OSBP2: variants seen among roughly 807,000 people sequenced by gnomAD.
OSBP2 encodes the protein oxysterol-binding protein 2.
In OSBP2, 66 loss-of-function variants were observed where a neutral mutation model predicts 96.0. That is an observed-to-expected ratio of 0.69 (90% CI 0.56 to 0.84). OSBP2 has a LOEUF of 0.84. Among genes scored for constraint, OSBP2 ranks in the 40% least tolerant of loss-of-function variants. The probability of loss-of-function intolerance (pLI) is 0.00; values close to 1 mark genes in which losing one functional copy is unlikely to be tolerated. For missense variants in OSBP2, 1,038 were observed against 1,222.7 expected, an observed-to-expected ratio of 0.85 and a Z score of 2.25; for synonymous variants, 525 against 520.9, an observed-to-expected ratio of 1.01 and a Z score of -0.11.
intron 2 of OSBP2, among the ~76,000 whole-genome samples, chr22:30,847,864 T>G (rs2038901619): frequency 6.6e-6 from 1 of 152,204 alleles, no homozygotes; most frequent in Non-Finnish European, 1.5e-5. Context: ...GTATCATTCT[T>G]TTTTCGTCCT....
chr22:30,732,212 G>C (rs1224651339), intron 1 of OSBP2, among the ~76,000 whole-genome samples: 1 of 152,146 alleles, frequency 6.6e-6, no homozygotes, highest in Admixed American at 6.5e-5. Flanking sequence ...GCTGAGACAG[G>C]AGAATCACTT....
intron 2 of OSBP2, among the ~76,000 whole-genome samples, chr22:30,793,362 C>A (rs1396244435): frequency 6.6e-6 from 1 of 151,668 alleles, no homozygotes; most frequent in African/African-American, 2.4e-5. Context: ...TGCACTCCAG[C>A]CTGGGAAAAA....
chr22:30,827,539 C>G (rs2038429455), intron 2 of OSBP2, among the ~76,000 whole-genome samples: 1 of 152,152 alleles, frequency 6.6e-6, no homozygotes. Flanking sequence ...TCTATCTCCT[C>G]CAGTATAAAT....
At chr22:30,798,872 G>A (rs1386969593) in intron 2 of OSBP2, among the ~76,000 whole-genome samples, 3 of 151,962 alleles carry the variant, frequency 2.0e-5, no homozygotes, top group African/African-American at 7.2e-5. Flanking sequence ...ACTTTAGCTG[G>A]GCATGGTGGC....
In OSBP2 at chr22:30,850,390, T is replaced by TA. The variant is rs554761900; in HGVS notation, c.854-20038dup. On this transcript the variant is annotated intron_variant, in intron 2 of 13. Transcript: ENST00000332585. ...CTATGTTCCATTATAAGTCCATACT[T>TA]ACGCCAATACTACACTGCCTTGATT... 1.3e-4 allele frequency among the ~76,000 whole-genome samples: 20 copies of TA among 152,280 alleles called. No homozygotes were observed. The East Asian group carries it at 2.9e-3, about 22-fold the overall frequency.
chr22:30,867,287 A>G (rs1188382927), intron 2 of OSBP2, among the ~76,000 whole-genome samples: 2 of 152,144 alleles, frequency 1.3e-5, no homozygotes, highest in South Asian at 2.1e-4. Flanking sequence ...CAGAGGACAA[A>G]GAGCCAGTCT....
chr22:30,742,263 T>C, intron 2 of OSBP2, among the ~76,000 whole-genome samples: 1 of 151,958 alleles, frequency 6.6e-6, no homozygotes. Flanking sequence ...AAAACCTGTC[T>C]GTACTAAAGA....
chr22:30,757,302 T>C (rs1450360375), intron 2 of OSBP2, among the ~76,000 whole-genome samples: 1 of 152,176 alleles, frequency 6.6e-6, no homozygotes, highest in Non-Finnish European at 1.5e-5. Flanking sequence ...CCCCCTGCCA[T>C]ATGAATCCCA....
intron 3 of OSBP2, among the ~76,000 whole-genome samples, chr22:30,879,642 C>T (rs1478053667): frequency 2.6e-5 from 4 of 152,208 alleles, no homozygotes; most frequent in Non-Finnish European, 5.9e-5. Flanking sequence ...CCCAGCACTT[C>T]CCCTTGTGGC....
chr22:30,753,267 G>A (rs560783140), intron 2 of OSBP2, among the ~76,000 whole-genome samples: 2 of 152,232 alleles, frequency 1.3e-5, no homozygotes, highest in South Asian at 4.1e-4. Flanking sequence ...GTGGGGATAG[G>A]ATGTTACTGG....
At chr22:30,867,292 C>T (rs1569157151) in intron 2 of OSBP2, among the ~76,000 whole-genome samples, 1 of 152,136 alleles carries the variant, frequency 6.6e-6, no homozygotes, top group African/African-American at 2.4e-5. Context: ...GACAAAGAGC[C>T]AGTCTCCTTG....
At chr22:30,832,570 T>A (rs973049854) in intron 2 of OSBP2, among the ~76,000 whole-genome samples, 1 of 152,180 alleles carries the variant, frequency 6.6e-6, no homozygotes, top group African/African-American at 2.4e-5. Flanking sequence ...CAGGAGCTGC[T>A]GCTTGTATTG....
chr22:30,833,134 G>C (rs1188537820), intron 2 of OSBP2, among the ~76,000 whole-genome samples: 1 of 152,098 alleles, frequency 6.6e-6, no homozygotes, highest in Non-Finnish European at 1.5e-5. Flanking sequence ...TGTCAGATGG[G>C]GTCTTAGAGA....
rs1177757371 is a variant in OSBP2, at chr22:30,870,763, C to T, written c.1107+81C>T. ...TCCCTCGGTGGGTGACCAGGGTCAG[C>T]TTGAAGGGTCAGCGTTCCATTTCCT... is the stretch of plus-strand genomic sequence containing the variant. On this transcript the variant is annotated intron_variant, in intron 3 of 13. Transcript: ENST00000332585. The surrounding 1 kb of genome is among the most constrained non-coding windows in gnomAD (Gnocchi z 4.1). 6.9e-7 allele frequency: 1 copy of T among 1,449,222 alleles called. No individual in the cohort carries two copies. The highest frequency in any genetic ancestry group is 1.4e-5 in the African/African-American group (1 of 71,980). 89.8% of individuals were successfully genotyped at this position (1,449,222 alleles called of 1,614,324 possible). A position where few individuals can be genotyped will look rare whatever the true frequency, so the allele number is the denominator to read the frequency against.
At chr22:30,808,985 C>T (rs973473628) in intron 2 of OSBP2, among the ~76,000 whole-genome samples, 1 of 152,058 alleles carries the variant, frequency 6.6e-6, no homozygotes, top group Non-Finnish European at 1.5e-5. Context: ...GACACACACA[C>T]AGAGGAGACC....
At chr22:30,769,996 C>T (rs944560899) in intron 2 of OSBP2, among the ~76,000 whole-genome samples, 1 of 152,066 alleles carries the variant, frequency 6.6e-6, no homozygotes, top group African/African-American at 2.4e-5. Context: ...GAATAAGTCT[C>T]ACAAGATCTG....
chr22:30,808,487 A>G (rs1340068510), intron 2 of OSBP2, among the ~76,000 whole-genome samples: 1 of 152,202 alleles, frequency 6.6e-6, no homozygotes, highest in African/African-American at 2.4e-5. Flanking sequence ...GGCCTGGGTG[A>G]TAGAGTGAGA....
At chr22:30,864,657 C>A (rs1324119023) in intron 2 of OSBP2, among the ~76,000 whole-genome samples, 1 of 152,044 alleles carries the variant, frequency 6.6e-6, no homozygotes, top group Non-Finnish European at 1.5e-5. Context: ...CCTGCTCTTG[C>A]CACTCCCCAG....
intron 2 of OSBP2, among the ~76,000 whole-genome samples, chr22:30,850,077 T>C (rs1326006937): frequency 2.6e-5 from 4 of 151,718 alleles, no homozygotes; most frequent in African/African-American, 9.7e-5. Context: ...CCGAGGCGGG[T>C]GGATCATTTG....
Sources: gnomAD v4.1 joint callset for allele counts (sites outside exome capture counted in the v4.1 genomes callset) on GRCh38, gnomAD v4.1.1 for gene constraint, Gnocchi (gnomAD v3.1) non-coding constraint, MANE v1.5 for transcripts, NCBI Gene and HGNC (gene_info 2026-07-23, HGNC 2026-07-21) for gene names.